Variants in PRDM16 observed in about 807,000 individuals in gnomAD.
The protein encoded by PRDM16 is PR/SET domain 16, also known as histone-lysine N-methyltransferase PRDM16.
In PRDM16, 23 loss-of-function variants were observed where a neutral mutation model predicts 110.6. The ratio of observed to expected loss-of-function variants is 0.21; its 90% CI spans 0.15 to 0.29. The LOEUF (loss-of-function observed/expected upper bound fraction) is 0.29, where lower values mean the gene tolerates loss of function less well. Ranked by LOEUF, PRDM16 falls within the 10% of genes least tolerant of loss-of-function variation. The pLI, the probability that PRDM16 is intolerant of heterozygous loss-of-function variation, is 1.00. For missense variants in PRDM16, 1,615 were observed against 1,794.3 expected (o/e 0.90, Z 1.81); for synonymous variants, 799 against 781.8 (o/e 1.02, Z -0.37).
intron 2 of PRDM16, among the ~76,000 whole-genome samples, chr1:3,199,433 C>T (rs1638564145): frequency 6.6e-6 from 1 of 152,220 alleles, no homozygotes; most frequent in Admixed American, 6.5e-5. Flanking sequence ...TTCTTGGTAA[C>T]AGCTCACATG....
chr1:3,408,511 G>A (rs568476733), intron 8 of PRDM16, among the ~76,000 whole-genome samples: 14 of 147,786 alleles, frequency 9.5e-5, no homozygotes, highest in African/African-American at 2.0e-4. Context: ...CGCGTGCACC[G>A]GTGCGTGTGT....
intron 1 of PRDM16, among the ~76,000 whole-genome samples, chr1:3,126,883 G>A (rs115650479): frequency 1.5e-3 from 228 of 152,328 alleles, no homozygotes; most frequent in African/African-American, 5.1e-3. Flanking sequence ...TGTCAGGCCC[G>A]GGCCCGCTGT....
chr1:3,253,377 G>A (rs1401101159), intron 3 of PRDM16, among the ~76,000 whole-genome samples: 2 of 98,458 alleles, frequency 2.0e-5, no homozygotes, highest in East Asian at 3.1e-4. Flanking sequence ...CCCCACAACA[G>A]TCCCCAGAGT....
chr1:3,301,691 GCT>G (rs1296839159), intron 3 of PRDM16, among the ~76,000 whole-genome samples: 4 of 152,190 alleles, frequency 2.6e-5, no homozygotes, highest in Non-Finnish European at 5.9e-5. Context: ...ACTGGATTTT[GCT>G]CTGTGTCTGT....
chr1:3,251,180 C>T (rs1639920641), intron 3 of PRDM16, among the ~76,000 whole-genome samples: 1 of 152,240 alleles, frequency 6.6e-6, no homozygotes. Flanking sequence ...CTTCCCCACC[C>T]ACCCCTGCCC....
intron 1 of PRDM16, among the ~76,000 whole-genome samples, chr1:3,088,931 T>C (rs1049055578): frequency 6.6e-6 from 1 of 152,040 alleles, no homozygotes; most frequent in Non-Finnish European, 1.5e-5. Context: ...TACAGGCACA[T>C]GCCACCGCGC....
Position 3,432,103 on chromosome 1 carries a change from C to T in PRDM16, c.3659C>T (p.Ala1220Val). 1 of 1,613,974 alleles carries T rather than the reference C, an allele frequency of 6.2e-7. No individual in the cohort carries two copies. Among genetic ancestry groups the T allele is most frequent in the Non-Finnish European group, 8.5e-7 (1 of 1,179,992 alleles). ...CTTAATTCCACCTTAGATTCTGAGG[C>T]TTTAAAACATACACTGTGCAGGCAG... ...DVLNSTLDSE[A>V]LKHTLCRQAK... The change falls in exon 16 of 17, where the codon GCT (alanine) becomes GTT (valine). Residue 1220 changes from alanine to valine, a missense_variant. By Grantham distance (64) the Ala-to-Val change is moderately conservative (BLOSUM62 0). Around this residue, in one of 5 missense-constraint regions of PRDM16, gnomAD observed 327 missense variants for 359.3 expected, o/e 0.91. Transcript: ENST00000270722.
chr1:3,408,832 G>A (rs1209863546), intron 8 of PRDM16, among the ~76,000 whole-genome samples: 6 of 139,834 alleles, frequency 4.3e-5, no homozygotes, highest in South Asian at 2.2e-4. Flanking sequence ...GAGCTGGTGC[G>A]TGTGTTGGAG....
chr1:3,108,742 G>C (rs1422725783), intron 1 of PRDM16, among the ~76,000 whole-genome samples: 2 of 152,172 alleles, frequency 1.3e-5, no homozygotes, highest in Non-Finnish European at 2.9e-5. Flanking sequence ...CCAGATGTCT[G>C]TTCCCTTCCT....
intron 3 of PRDM16, among the ~76,000 whole-genome samples, chr1:3,295,712 G>A (rs531802477): frequency 1.9e-4 from 29 of 152,322 alleles, no homozygotes; most frequent in Admixed American, 8.5e-4. Context: ...GGGAAGCTCC[G>A]TTGACAGGGT....
rs1643857705 is a variant in PRDM16 at position 3,156,251 on chromosome 1, G to A, written c.38-29874G>A. 3.3e-5 allele frequency among the ~76,000 whole-genome samples: 5 copies of A among 152,198 alleles called. No homozygotes were observed. The South Asian group carries it at 1.0e-3, about 32-fold the overall frequency. ...GGGCTGTCTGCAGGGCTCCCGGGCAGCAGGACAGTTTCCACGCGTTTGATG... is the reference window on the plus strand; with the variant it reads ...GGGCTGTCTGCAGGGCTCCCGGGCAACAGGACAGTTTCCACGCGTTTGATG... On this transcript the variant is annotated intron_variant, in intron 1 of 16. Coordinates refer to ENST00000270722, the MANE Select transcript of PRDM16 (RefSeq NM_022114.4).
At chr1:3,318,587 A>G (rs538317969) in intron 3 of PRDM16, among the ~76,000 whole-genome samples, 71 of 152,322 alleles carry the variant, frequency 4.7e-4, no homozygotes, top group African/African-American at 1.7e-3. Flanking sequence ...TTGATCATCT[A>G]TCACTCATCT....
intron 3 of PRDM16, among the ~76,000 whole-genome samples, chr1:3,276,663 C>T (rs1640589425): frequency 6.6e-6 from 1 of 152,268 alleles, no homozygotes; most frequent in African/African-American, 2.4e-5. Context: ...CGGCCCCAGC[C>T]AGCTCGAGGT....
chr1:3,111,256 G>A (rs1426299238), intron 1 of PRDM16, among the ~76,000 whole-genome samples: 1 of 152,170 alleles, frequency 6.6e-6, no homozygotes, highest in African/African-American at 2.4e-5. Context: ...AAGGGAAAGA[G>A]GCTTGTCCTC....
intron 10 of PRDM16, among the ~76,000 whole-genome samples, chr1:3,416,180 C>T (rs1557664639): frequency 6.6e-6 from 1 of 152,190 alleles, no homozygotes; most frequent in East Asian, 1.9e-4. Flanking sequence ...TAACCAGTTC[C>T]CCAAATAGCA....
intron 3 of PRDM16, among the ~76,000 whole-genome samples, chr1:3,298,874 C>T (rs187572996): frequency 1.1e-4 from 17 of 152,362 alleles, no homozygotes; most frequent in Non-Finnish European, 2.1e-4. Context: ...TTTTGCTTTG[C>T]TGTAAGTCCC....
At chr1:3,263,496 T>A (rs1400746938) in intron 3 of PRDM16, among the ~76,000 whole-genome samples, 1 of 152,196 alleles carries the variant, frequency 6.6e-6, no homozygotes, top group Admixed American at 6.5e-5. Flanking sequence ...CTCACTGGGA[T>A]CGCACTCACA....
chr1:3,155,565 C>G (rs903551395), intron 1 of PRDM16, among the ~76,000 whole-genome samples: 1 of 152,270 alleles, frequency 6.6e-6, no homozygotes, highest in African/African-American at 2.4e-5. Flanking sequence ...CCTCCCGATA[C>G]AGCAGCGTTG....
intron 3 of PRDM16, among the ~76,000 whole-genome samples, chr1:3,366,441 C>A (rs1319848492): frequency 6.6e-6 from 1 of 152,224 alleles, no homozygotes; most frequent in Admixed American, 6.5e-5. Flanking sequence ...ACACTCTCTT[C>A]CCACCCATCT....
Sources: gnomAD v4.1 joint callset for allele counts (sites outside exome capture counted in the v4.1 genomes callset) on GRCh38, gnomAD v4.1.1 for gene constraint, gnomAD v4.1.1 regional missense constraint, MANE v1.5 for transcripts, NCBI Gene and HGNC (gene_info 2026-07-23, HGNC 2026-07-21) for gene names.